The following ARHGAP39 variants were observed in gnomAD, a reference collection of about 807,000 sequenced individuals.
The protein encoded by ARHGAP39 is rho GTPase-activating protein 39.
In ARHGAP39, 44 loss-of-function variants were observed where a neutral mutation model predicts 106.9. The observed-to-expected ratio is 0.41, with a 90% CI of 0.32 to 0.53. The LOEUF (loss-of-function observed/expected upper bound fraction) is 0.53, where lower values mean the gene tolerates loss of function less well. Ranked by LOEUF, ARHGAP39 falls within the 20% of genes least tolerant of loss-of-function variation. ARHGAP39 has a pLI of 0.21. For missense variants in ARHGAP39, 1,496 were observed against 1,577.3 expected (o/e 0.95, Z 0.87); for synonymous variants, 768 against 693.2 (o/e 1.11, Z -1.69).
At chr8:144,563,085 T>C (rs1363690689) in intron 3 of ARHGAP39, among the ~76,000 whole-genome samples, 1 of 152,254 alleles carries the variant, frequency 6.6e-6, no homozygotes, top group African/African-American at 2.4e-5. Context: ...TGAAGTGGAA[T>C]CTACTAAGAT....
chr8:144,542,207 C>T lies in ARHGAP39; in HGVS notation c.2521+3042G>A, dbSNP rs142435405. 9.6e-3 allele frequency among the ~76,000 whole-genome samples: 1,462 copies of T among 152,314 alleles called. 26 individuals are homozygous for T. Among genetic ancestry groups the T allele is most frequent in the Middle Eastern group, 0.02 (6 of 294 alleles). ...GCTACCATACCCACTGCCAGGTGCT[C>T]CTCGATGTCTGTGTCGAGAACCTGT... On this transcript the variant is annotated intron_variant, in intron 6 of 11. Transcript: ENST00000377307.
At chr8:144,621,309 C>A (rs1272540472) in intron 1 of ARHGAP39, among the ~76,000 whole-genome samples, 1 of 152,274 alleles carries the variant, frequency 6.6e-6, no homozygotes. Context: ...CCGCCCACTT[C>A]CCAAGTTTTC....
At chr8:144,696,148 AT>A in the ARHGAP39 span, among the ~76,000 whole-genome samples, 1,800 of 150,594 alleles carry the variant, frequency 0.012, 38 homozygotes, top group African/African-American at 0.042. Flanking sequence ...CCCCAGTTAA[AT>A]TTTTTTTTTA....
intron 3 of ARHGAP39, among the ~76,000 whole-genome samples, chr8:144,558,692 C>T (rs1392758008): frequency 6.6e-6 from 1 of 152,178 alleles, no homozygotes; most frequent in Non-Finnish European, 1.5e-5. Context: ...TCAGTATGTT[C>T]ACCCCCTACT....
rs976753250 is a variant in ARHGAP39, at chr8:144,679,836, C to T, written c.-82+5850G>A. Among the ~76,000 whole-genome samples the T allele has an allele frequency of 1.5e-4, 23 of 152,066 alleles. No homozygotes were observed. Among genetic ancestry groups the T allele is most frequent in the Non-Finnish European group, 3.1e-4 (21 of 68,022 alleles). On this transcript the variant is annotated intron_variant, in intron 1 of 11. Transcript: ENST00000377307. The surrounding 1 kb of genome is among the most constrained non-coding windows in gnomAD (Gnocchi z 4.7). ...TCTACTAAAAACACAAAAAATTAGC[C>T]GGGCATGGTGGTAGGCACCTGTAGT...
chr8:144,619,497 AGCCTCTGT>A (rs886069869), intron 1 of ARHGAP39, among the ~76,000 whole-genome samples: 1 of 150,714 alleles, frequency 6.6e-6, no homozygotes, highest in Admixed American at 6.6e-5. Context: ...CGTTTGTGTG[AGCCTCTGT>A]GTCCCTGAGA....
chr8:144,556,233 C>T (rs979430134), intron 3 of ARHGAP39, among the ~76,000 whole-genome samples: 2 of 148,622 alleles, frequency 1.3e-5, no homozygotes, highest in African/African-American at 2.5e-5. Flanking sequence ...TGCAGTGAGC[C>T]GAGATGGCGC....
the ARHGAP39 span, among the ~76,000 whole-genome samples, chr8:144,699,526 G>T: frequency 4.1e-5 from 6 of 146,864 alleles, no homozygotes; most frequent in Non-Finnish European, 7.5e-5. Flanking sequence ...ACCCGAGGTC[G>T]AGGCCTCGTG....
intron 1 of ARHGAP39, among the ~76,000 whole-genome samples, chr8:144,628,944 G>A (rs756550972): frequency 2.0e-5 from 3 of 152,058 alleles, no homozygotes; most frequent in Admixed American, 6.5e-5. Flanking sequence ...TTTTGCGCCC[G>A]GGAGGACGCG....
intron 1 of ARHGAP39, among the ~76,000 whole-genome samples, chr8:144,668,870 C>G (rs574135486): frequency 6.6e-6 from 1 of 152,232 alleles, no homozygotes; most frequent in Admixed American, 6.5e-5. Flanking sequence ...ATAGCCAAAA[C>G]AATCTTGAAA....
chr8:144,543,934 A>G (rs1442593494), intron 6 of ARHGAP39: 1 of 152,124 alleles, frequency 6.6e-6, no homozygotes, highest in Admixed American at 6.6e-5. Flanking sequence ...GCTCAGCTCC[A>G]TAGCCTCCAG....
At chr8:144,611,977 C>T (rs1479801722) in intron 1 of ARHGAP39, among the ~76,000 whole-genome samples, 7 of 151,404 alleles carry the variant, frequency 4.6e-5, no homozygotes, top group Admixed American at 1.3e-4. Context: ...CCATTGTACT[C>T]CAACCTGGGT....
the ARHGAP39 span, among the ~76,000 whole-genome samples, chr8:144,691,718 C>G: frequency 2.0e-5 from 3 of 151,952 alleles, no homozygotes; most frequent in African/African-American, 7.3e-5. Flanking sequence ...CTAGTCAGCT[C>G]GGGGGCTCTT....
Position 144,678,520 on chromosome 8 carries a change from A to C in ARHGAP39, c.-82+7166T>G, listed in dbSNP as rs1260684672. On this transcript the variant is annotated intron_variant, in intron 1 of 11. Transcript: ENST00000377307. ...TTTGGAAGGAGGGACGCCAAGAAAGACTTGGCCCATGACCACATGGCAGTT... is the reference window on the plus strand; with the variant it reads ...TTTGGAAGGAGGGACGCCAAGAAAGCCTTGGCCCATGACCACATGGCAGTT... Among the ~76,000 whole-genome samples the C allele has an allele frequency of 2.6e-5, 4 of 152,112 alleles. No individual in the cohort carries two copies. The East Asian group carries it at 7.7e-4, about 29-fold the overall frequency.
intron 3 of ARHGAP39, among the ~76,000 whole-genome samples, 166 bp from the exon 4 acceptor site, chr8:144,555,809 T>C (rs995825986): frequency 1.3e-5 from 2 of 152,242 alleles, no homozygotes; most frequent in African/African-American, 4.8e-5. Context: ...GTCCACCTTC[T>C]TCCAGCAGGT....
intron 1 of ARHGAP39, among the ~76,000 whole-genome samples, chr8:144,677,975 G>A (rs758897636): frequency 5.3e-5 from 8 of 152,196 alleles, no homozygotes; most frequent in Non-Finnish European, 7.3e-5. Context: ...GGAAGCAGCC[G>A]ACGTGGGAAA....
chr8:144,565,991 A>C (rs1225541484), intron 3 of ARHGAP39, among the ~76,000 whole-genome samples: 1 of 150,310 alleles, frequency 6.7e-6, no homozygotes. Flanking sequence ...CTACTCAGGA[A>C]GCAGAGGTGG....
Position 144,580,855 on chromosome 8 carries a change from T to C in ARHGAP39, c.503A>G (p.Asp168Gly), listed in dbSNP as rs535374755. Residue 168 changes from aspartate to glycine, a missense_variant, in exon 3 of 12, where the codon GAC (aspartate) becomes GGC (glycine). Physicochemically the swap from Asp to Gly is moderately conservative, Grantham distance 94. Around this residue, in one of 4 missense-constraint regions of ARHGAP39, gnomAD observed 905 missense variants for 816.4 expected, o/e 1.11. Transcript: ENST00000377307. Reference protein sequence around the residue: ...RPAAFGTVKEDSGSSSPPGVF... With the variant: ...RPAAFGTVKEGSGSSSPPGVF... ...CTGCCCCCGCCCTCACCTGCCGCTGTCCTCCTTCACTGTCCCAAACGCCGC... is the reference window on the plus strand; with the variant it reads ...CTGCCCCCGCCCTCACCTGCCGCTGCCCTCCTTCACTGTCCCAAACGCCGC... 1 of 1,538,450 alleles carries C rather than the reference T, an allele frequency of 6.5e-7. No homozygotes were observed.
intron 1 of ARHGAP39, among the ~76,000 whole-genome samples, chr8:144,665,898 C>T (rs1161064544): frequency 6.6e-6 from 1 of 152,210 alleles, no homozygotes; most frequent in African/African-American, 2.4e-5. Flanking sequence ...GGGCCACCAT[C>T]CTCCTGACCC....
Sources: gnomAD v4.1 joint callset for allele counts (sites outside exome capture counted in the v4.1 genomes callset) on GRCh38, gnomAD v4.1.1 for gene constraint, gnomAD v4.1.1 regional missense constraint, Gnocchi (gnomAD v3.1) non-coding constraint, MANE v1.5 for transcripts, NCBI Gene and HGNC (gene_info 2026-07-23, HGNC 2026-07-21) for gene names.